Variants in TEX11 observed in about 807,000 individuals in gnomAD.
TEX11 encodes testis-expressed protein 11.
A neutral mutation model predicts 84.4 loss-of-function variants in TEX11; 7 were observed. The observed-to-expected ratio is 0.08, with a 90% CI of 0.05 to 0.16. The LOEUF (loss-of-function observed/expected upper bound fraction) is 0.16, where lower values mean the gene tolerates loss of function less well. Among genes scored for constraint, TEX11 ranks in the 10% least tolerant of loss-of-function variants. The pLI, the probability that TEX11 is intolerant of heterozygous loss-of-function variation, is 1.00. For missense variants in TEX11, 551 were observed against 660.5 expected (o/e 0.83, Z 1.82); for synonymous variants, 264 against 222.8 (o/e 1.18, Z -1.64).
At chrX:70,767,796 A>G (rs1244916520) in intron 9 of TEX11, among the ~76,000 whole-genome samples, 2 of 112,103 alleles carry the variant, frequency 1.8e-5, no homozygotes, top group Non-Finnish European at 3.8e-5. Flanking sequence ...TTAGCCATAA[A>G]AAAGAGTGAG....
chrX:70,729,617 T>A (rs999702633), intron 11 of TEX11, among the ~76,000 whole-genome samples: 2 of 110,867 alleles, frequency 1.8e-5, no homozygotes, highest in African/African-American at 6.6e-5. Context: ...GAAAAAAGAA[T>A]AAAAAGAAAT....
intron 9 of TEX11, among the ~76,000 whole-genome samples, chrX:70,750,358 A>G (rs928814813): frequency 8.9e-6 from 1 of 111,747 alleles, no homozygotes; most frequent in Non-Finnish European, 1.9e-5. Context: ...TGTGGAAGTC[A>G]GTGTGGTGAT....
intron 8 of TEX11, among the ~76,000 whole-genome samples, chrX:70,823,305 A>G (rs1279216859): frequency 2.7e-5 from 3 of 111,054 alleles, no homozygotes; most frequent in Non-Finnish European, 5.7e-5. Context: ...TATAAGATGA[A>G]TAAGTTCTGG....
At chrX:70,805,073 CCAAATACTGT>C (rs2091210831) in intron 9 of TEX11, among the ~76,000 whole-genome samples, 1 of 106,741 alleles carries the variant, frequency 9.4e-6, no homozygotes, top group South Asian at 4.3e-4. Flanking sequence ...TGTTCTACTC[CCAAATACTGT>C]CAAATACTGG....
the TEX11 span, among the ~76,000 whole-genome samples, chrX:70,515,369 T>C: frequency 9.8e-6 from 1 of 102,507 alleles, no homozygotes; most frequent in Non-Finnish European, 2.0e-5. Context: ...GAACATGTGG[T>C]GTTTCGTTTT....
chrX:70,655,322 C>T (rs553979989), intron 16 of TEX11, among the ~76,000 whole-genome samples: 2 of 111,179 alleles, frequency 1.8e-5, no homozygotes, highest in African/African-American at 3.3e-5. Context: ...GACTTTACCA[C>T]GGGTTTATCA....
intron 25 of TEX11, among the ~76,000 whole-genome samples, chrX:70,588,932 C>CA (rs1174379817): frequency 0.02 from 994 of 50,465 alleles, 28 homozygotes; most frequent in East Asian, 0.18. Flanking sequence ...AACCCCAACT[C>CA]AAAAAAAAAA....
intron 2 of TEX11, among the ~76,000 whole-genome samples, chrX:70,885,708 A>G (rs1240682028): frequency 9.1e-6 from 1 of 110,120 alleles, no homozygotes; most frequent in Non-Finnish European, 1.9e-5. Flanking sequence ...CCTGAGCAAC[A>G]TGGTGAAACC....
chrX:70,522,117 C>A, the TEX11 span, among the ~76,000 whole-genome samples: 1 of 111,972 alleles, frequency 8.9e-6, no homozygotes, highest in Non-Finnish European at 1.9e-5. Context: ...GCCTCAGTCT[C>A]CTAAAATGCT....
chrX:70,903,065 T>C (rs890441719), intron 2 of TEX11, among the ~76,000 whole-genome samples: 1 of 112,064 alleles, frequency 8.9e-6, no homozygotes, highest in African/African-American at 3.2e-5. Flanking sequence ...TTTGTCCCAC[T>C]GGAAGTTCTT....
chrX:70,770,467 C>T (rs1030969570), intron 9 of TEX11, among the ~76,000 whole-genome samples: 2 of 111,078 alleles, frequency 1.8e-5, no homozygotes, highest in African/African-American at 6.5e-5. Context: ...GGGAGATATA[C>T]CTAATGCTAG....
intron 2 of TEX11, among the ~76,000 whole-genome samples, chrX:70,900,331 A>G (rs1162857414): frequency 9.8e-6 from 1 of 102,492 alleles, no homozygotes; most frequent in Non-Finnish European, 2.0e-5. Flanking sequence ...GTGAACAGAG[A>G]TCGTGCCACT....
chrX:70,642,309 G>C (rs775583690), intron 17 of TEX11, among the ~76,000 whole-genome samples: 25 of 111,609 alleles, frequency 2.2e-4, no homozygotes, highest in Admixed American at 2.1e-3. Flanking sequence ...TCCAGGACCA[G>C]ATGGATTCAC....
At chrX:70,789,933 T>C (rs908821746) in intron 9 of TEX11, among the ~76,000 whole-genome samples, 1 of 112,226 alleles carries the variant, frequency 8.9e-6, no homozygotes, top group African/African-American at 3.2e-5. Flanking sequence ...ATATACACAA[T>C]GGAATACTAT....
rs184493211 is a variant in TEX11 at position 70,671,087 on chromosome X, C to T, written c.1243-573G>A. 1.1e-4 allele frequency among the ~76,000 whole-genome samples: 12 copies of T among 111,579 alleles called. No homozygotes were observed. In the East Asian group the frequency reaches 3.1e-3, roughly 29 times the overall value. The stretch of plus-strand genomic sequence containing the variant: ...TATATAATGATTTTCTTAATGTTAG[C>T]TATTTAGTGAATTTGCAGGGTTTTT... On this transcript the variant is annotated intron_variant, in intron 15 of 29. Transcript: ENST00000374333.
chrX:70,719,881 A>T (rs2090541497), intron 13 of TEX11, among the ~76,000 whole-genome samples: 1 of 111,292 alleles, frequency 9.0e-6, no homozygotes, highest in African/African-American at 3.3e-5. Context: ...CAGGTGCTGG[A>T]GAGGATGTGG....
At chrX:70,840,210 C>T (rs372907354) in intron 7 of TEX11, among the ~76,000 whole-genome samples, 1 of 111,310 alleles carries the variant, frequency 9.0e-6, no homozygotes, top group Non-Finnish European at 1.9e-5. Context: ...AAGGAAAAAA[C>T]GTTAAGGGCA....
At chrX:70,620,824 G>T (rs972333503) in intron 20 of TEX11, among the ~76,000 whole-genome samples, 2 of 112,101 alleles carry the variant, frequency 1.8e-5, no homozygotes, top group Non-Finnish European at 3.8e-5. Context: ...CTAAGTGAAA[G>T]AAGCGAATGT....
At chrX:70,817,250 TATATAC>T (rs1331941687) in intron 8 of TEX11, among the ~76,000 whole-genome samples, 247 of 91,406 alleles carry the variant, frequency 2.7e-3, no homozygotes, top group African/African-American at 9.3e-3. Flanking sequence ...CACACATATA[TATATAC>T]ACACACACAC....
Sources: allele counts gnomAD v4.1 joint callset (sites outside exome capture counted in the v4.1 genomes callset), GRCh38; gene constraint gnomAD v4.1.1; transcripts MANE v1.5; gene names NCBI Gene and HGNC (gene_info 2026-07-23, HGNC 2026-07-21).